Variants in SH2D4B observed in about 807,000 individuals in gnomAD.
The protein encoded by SH2D4B is SH2 domain-containing protein 4B.
A neutral mutation model predicts 61.5 loss-of-function variants in SH2D4B; 45 were observed. That is an observed-to-expected ratio of 0.73 (90% confidence interval 0.58 to 0.94). The LOEUF is 0.94. SH2D4B is among the 40% of genes least tolerant of loss of function. The pLI is 0.00. For missense variants in SH2D4B, 572 were observed against 574.2 expected, an observed-to-expected ratio of 1.00 and a Z score of 0.04; for synonymous variants, 224 against 220.4, an observed-to-expected ratio of 1.02 and a Z score of -0.14.
chr10:80,618,689 G>T lies in SH2D4B; in HGVS notation c.988+9138G>T, dbSNP rs980568910. ...TGGAGGTGTTGTCAGCCGTTGAGGC[G>T]TAGCTGCGGTGAAAGCTTTAAGAAA... On this transcript the variant is annotated intron_variant, in intron 6 of 7. Coordinates refer to ENST00000646907, the MANE Select transcript of SH2D4B (RefSeq NM_001388272.1). 1.9e-4 allele frequency among the ~76,000 whole-genome samples: 29 copies of T among 152,288 alleles called. No individual in the cohort carries two copies. In the Middle Eastern group the frequency reaches 0.01, roughly 54 times the overall value.
chr10:80,628,909 A>C (rs1285711840), intron 6 of SH2D4B, among the ~76,000 whole-genome samples: 1 of 152,014 alleles, frequency 6.6e-6, no homozygotes. Flanking sequence ...GCATGCCTGT[A>C]ATCCCAGCTA....
intron 1 of SH2D4B, among the ~76,000 whole-genome samples, chr10:80,566,687 G>T (rs939079393): frequency 3.3e-5 from 5 of 152,254 alleles, no homozygotes; most frequent in African/African-American, 1.2e-4. Context: ...ACAACTTGGG[G>T]TTCTGTGGTG....
rs143184760 is a variant in SH2D4B, at chr10:80,551,952, C to G, written c.184+13437C>G. Among the ~76,000 whole-genome samples the G allele has an allele frequency of 7.7e-4, 117 of 152,298 alleles. 1 individual carries two copies. In the East Asian group the frequency reaches 0.019, roughly 25 times the overall value. On this transcript the variant is annotated intron_variant, in intron 1 of 7. Coordinates refer to ENST00000646907, the MANE Select transcript of SH2D4B (RefSeq NM_001388272.1). Reference sequence around the variant, plus strand: ...TCAGGGGTCTGATGAGAGCCCTCTTCCTGGATGCCAATGGCTGACTTCTGT... The same window carrying G: ...TCAGGGGTCTGATGAGAGCCCTCTTGCTGGATGCCAATGGCTGACTTCTGT...
Position 80,588,679 on chromosome 10 carries a change from A to G in SH2D4B, c.545A>G (p.Gln182Arg), listed in dbSNP as rs1462613959. The G allele has an allele frequency of 6.2e-7, 1 of 1,614,100 alleles. No individual in the cohort carries two copies. Among genetic ancestry groups the G allele is most frequent in the East Asian group, 2.2e-5 (1 of 44,884 alleles). Residue 182 changes from glutamine (Q) to arginine (R), a missense_variant, in exon 4 of 8, where the codon CAG becomes CGG. Transcript: ENST00000646907. ...CGAGGAGAAGAGCAGATTCGCCTCCAGGAAGAGCAGAGGGCGAAGGAGCTC... is the reference window on the plus strand; with the variant it reads ...CGAGGAGAAGAGCAGATTCGCCTCCGGGAAGAGCAGAGGGCGAAGGAGCTC... Reference protein sequence around the residue: ...RKRGEEQIRLQEEQRAKELYW... With the variant: ...RKRGEEQIRLREEQRAKELYW...
chr10:80,602,715 C>A (rs76201397), intron 4 of SH2D4B, among the ~76,000 whole-genome samples: 1 of 152,172 alleles, frequency 6.6e-6, no homozygotes, highest in Non-Finnish European at 1.5e-5. Context: ...GGTCCATTAA[C>A]CCAGTTGGGC....
intron 3 of SH2D4B, among the ~76,000 whole-genome samples, chr10:80,575,095 TGAA>T (rs1451080748): frequency 6.6e-6 from 1 of 151,426 alleles, no homozygotes; most frequent in Non-Finnish European, 1.5e-5. Context: ...ATTTCAAACA[TGAA>T]GAAAAGTTGA....
At chr10:80,562,441 A>G (rs1444731860) in intron 1 of SH2D4B, among the ~76,000 whole-genome samples, 1 of 152,246 alleles carries the variant, frequency 6.6e-6, no homozygotes, top group Non-Finnish European at 1.5e-5. Context: ...TTTTGCTTAC[A>G]GTTGCAGTTT....
At chr10:80,585,354 G>A (rs1203462953) in intron 3 of SH2D4B, among the ~76,000 whole-genome samples, 4 of 147,528 alleles carry the variant, frequency 2.7e-5, no homozygotes, top group African/African-American at 5.1e-5. Context: ...ATGGAGAGTC[G>A]CCCAGTCTAG....
Position 80,588,777 on chromosome 10 carries a change from T to A in SH2D4B, c.643T>A (p.Leu215Met). The change falls in exon 4 of 8, where the codon TTG (leucine) becomes ATG (methionine). Residue 215 changes from leucine to methionine, a missense_variant and splice_region_variant. By Grantham distance (15) the Leu-to-Met change is conservative. Transcript: ENST00000646907. ...EKEEREWEEQLRRSKAADEER... is the reference protein window; with the variant it reads ...EKEEREWEEQMRRSKAADEER... ...AGAGGAGCGAGAGTGGGAAGAACAG[T>A]GTGAGTAGAGCTTGTGCCTCAGGCA... 6.2e-7 allele frequency: 1 copy of A among 1,613,868 alleles called. No individual in the cohort carries two copies. The highest frequency in any genetic ancestry group is 8.5e-7 in the Non-Finnish European group (1 of 1,179,996).
At chr10:80,602,444 C>T (rs940969708) in intron 4 of SH2D4B, among the ~76,000 whole-genome samples, 6 of 152,192 alleles carry the variant, frequency 3.9e-5, no homozygotes, top group Admixed American at 2.6e-4. Flanking sequence ...GCCTGGGTGA[C>T]AGAGTGAGAC....
intron 1 of SH2D4B, among the ~76,000 whole-genome samples, chr10:80,542,187 C>T (rs573223397): frequency 2.5e-4 from 38 of 152,088 alleles, no homozygotes; most frequent in African/African-American, 8.0e-4. Context: ...TGTGCAAGCT[C>T]GTTCTCTCCT....
intron 7 of SH2D4B, 75 bp from the exon 8 acceptor site, chr10:80,643,918 C>A: frequency 4.4e-6 from 5 of 1,138,966 alleles, no homozygotes; most frequent in Non-Finnish European, 6.5e-6. Flanking sequence ...CTGTCTTGAA[C>A]CACTCTCTCT....
intron 3 of SH2D4B, among the ~76,000 whole-genome samples, chr10:80,580,373 G>T (rs952689169): frequency 6.6e-6 from 1 of 152,142 alleles, no homozygotes; most frequent in African/African-American, 2.4e-5. Context: ...GGGCGTGAAG[G>T]CCCTTAGGGT....
At chr10:80,592,950 C>CTA (rs2132133109) in intron 4 of SH2D4B, among the ~76,000 whole-genome samples, 1 of 152,154 alleles carries the variant, frequency 6.6e-6, no homozygotes, top group African/African-American at 2.4e-5. Context: ...AACTCCTGAG[C>CTA]TTAAACGATC....
chr10:80,609,501 G>A lies in SH2D4B; in HGVS notation c.938G>A (p.Arg313His), dbSNP rs778016604. ...TGGTTTAAGGAGGAGCAGCTGCCTC[G>A]CCGAGCTGGCTTCGAGAGGAACACC... ...VRWFKEEQLP[R>H]RAGFERNTKF... Residue 313 changes from arginine to histidine, a missense_variant, in exon 6 of 8, where the codon CGC becomes CAC. Coordinates refer to ENST00000646907, the MANE Select transcript of SH2D4B (RefSeq NM_001388272.1). 9.9e-6 allele frequency: 16 copies of A among 1,614,172 alleles called. No individual in the cohort carries two copies. The highest frequency in any genetic ancestry group is 6.7e-5 in the East Asian group (3 of 44,862).
At chr10:80,545,960 T>C (rs919619102) in intron 1 of SH2D4B, among the ~76,000 whole-genome samples, 2 of 152,174 alleles carry the variant, frequency 1.3e-5, no homozygotes, top group African/African-American at 4.8e-5. Context: ...ACCTTTTCAC[T>C]TTTACTTACA....
At chr10:80,540,810 G>A in intron 1 of SH2D4B, 6 of 1,548,780 alleles carry the variant, frequency 3.9e-6, no homozygotes, top group Non-Finnish European at 5.2e-6. Flanking sequence ...CAAGGGTGAG[G>A]CTTGGTTCAA....
intron 6 of SH2D4B, among the ~76,000 whole-genome samples, chr10:80,610,779 C>G (rs1398942481): frequency 6.6e-6 from 1 of 152,170 alleles, no homozygotes; most frequent in East Asian, 1.9e-4. Flanking sequence ...GTGACCCCCA[C>G]CAGTCAAGGT....
At chr10:80,634,695 G>C (rs142170349) in intron 7 of SH2D4B, among the ~76,000 whole-genome samples, 190 bp downstream of exon 7, 74 of 152,274 alleles carry the variant, frequency 4.9e-4, no homozygotes, top group African/African-American at 1.8e-3. Context: ...CCACTGTTCT[G>C]CTCTCTGCTT....
Sources: allele counts gnomAD v4.1 joint callset (sites outside exome capture counted in the v4.1 genomes callset), GRCh38; gene constraint gnomAD v4.1.1; transcripts MANE v1.5; gene names NCBI Gene and HGNC (gene_info 2026-07-23, HGNC 2026-07-21).